ANTXRL: variants seen among roughly 807,000 people sequenced by gnomAD.
ANTXRL encodes the protein ANTXR like, also known as anthrax toxin receptor-like.
A neutral mutation model predicts 75.4 loss-of-function variants in ANTXRL; 63 were observed. The ratio of observed to expected loss-of-function variants is 0.84; its 90% CI spans 0.68 to 1.03. The LOEUF (loss-of-function observed/expected upper bound fraction) is 1.03. Among genes scored for constraint, ANTXRL ranks in the 50% least tolerant of loss-of-function variants. The pLI, the probability that ANTXRL is intolerant of heterozygous loss-of-function variation, is 0.00. For missense variants in ANTXRL, 797 were observed against 789.4 expected (o/e 1.01, Z -0.12); for synonymous variants, 335 against 291.3 (o/e 1.15, Z -1.53).
At chr10:46,291,392 A>T (rs1565011779) in intron 1 of ANTXRL, among the ~76,000 whole-genome samples, 1 of 149,640 alleles carries the variant, frequency 6.7e-6, no homozygotes, top group Non-Finnish European at 1.5e-5. Context: ...TCTTTTTCAG[A>T]TTTTTTTTTT....
rs74619698 is a variant in ANTXRL, at chr10:46,309,989, C to T, written c.1135-472C>T. The stretch of plus-strand genomic sequence containing the variant: ...AGAGAACAGAGCAGAAGGAGGAGAG[C>T]GCAGAGCTCAGCCCAGGGAACACAC... On this transcript the variant is annotated intron_variant, in intron 13 of 16. Transcript: ENST00000620264. Among the ~76,000 whole-genome samples the T allele has an allele frequency of 5.1e-3, 771 of 152,122 alleles. 12 individuals are homozygous for T. The highest frequency in any genetic ancestry group is 0.018 in the African/African-American group (729 of 41,476).
chr10:46,316,975 G>A (rs1009861957), intron 16 of ANTXRL, among the ~76,000 whole-genome samples: 4 of 152,298 alleles, frequency 2.6e-5, no homozygotes, highest in Non-Finnish European at 4.4e-5. Context: ...ACACTGCAAG[G>A]ACATGACATC....
At chr10:46,289,052 A>T (rs1836876558) in intron 1 of ANTXRL, among the ~76,000 whole-genome samples, 1 of 152,158 alleles carries the variant, frequency 6.6e-6, no homozygotes, top group African/African-American at 2.4e-5. Context: ...AGCCCATCCA[A>T]AGACCACGCA....
intron 12 of ANTXRL, chr10:46,308,610 G>A: frequency 2.7e-6 from 1 of 373,532 alleles, no homozygotes; most frequent in South Asian, 2.0e-5. Context: ...CCAGGACTTG[G>A]AGCTCTCTAA....
intron 16 of ANTXRL, among the ~76,000 whole-genome samples, chr10:46,328,622 CTCTT>C (rs1274238898): frequency 6.6e-5 from 10 of 151,970 alleles, no homozygotes; most frequent in African/African-American, 2.4e-4. Context: ...CATTGCCTCT[CTCTT>C]TTTTTTTTTA....
intron 9 of ANTXRL, among the ~76,000 whole-genome samples, chr10:46,298,753 T>C (rs1295170597): frequency 3.3e-5 from 5 of 150,894 alleles, no homozygotes; most frequent in Admixed American, 6.6e-5. Flanking sequence ...ATTTTTGGTG[T>C]ATGTGTGTTT....
chr10:46,306,922 G>T, intron 11 of ANTXRL, 50 bp downstream of exon 11: 2 of 1,452,954 alleles, frequency 1.4e-6, no homozygotes, highest in Non-Finnish European at 1.8e-6. Context: ...GGGAGTCAGG[G>T]TTGGGCACCT....
intron 16 of ANTXRL, among the ~76,000 whole-genome samples, chr10:46,320,453 C>T (rs539251594): frequency 4.6e-5 from 7 of 152,182 alleles, no homozygotes; most frequent in East Asian, 1.9e-4. Context: ...CACCCATGGC[C>T]GGGTGCAGTG....
intron 9 of ANTXRL, among the ~76,000 whole-genome samples, chr10:46,298,641 G>A (rs565486909): frequency 1.3e-5 from 2 of 151,756 alleles, no homozygotes; most frequent in African/African-American, 2.4e-5. Flanking sequence ...TGTCTGGTGT[G>A]CAGGTATGTG....
chr10:46,296,782 C>A (rs1461228863), intron 5 of ANTXRL, among the ~76,000 whole-genome samples: 2 of 152,150 alleles, frequency 1.3e-5, no homozygotes, highest in African/African-American at 4.8e-5. Flanking sequence ...TCCTGAACTC[C>A]TGGGCCCAGA....
At chr10:46,292,621 G>A (rs1837041865) in intron 2 of ANTXRL, among the ~76,000 whole-genome samples, 1 of 152,164 alleles carries the variant, frequency 6.6e-6, no homozygotes, top group African/African-American at 2.4e-5. Context: ...CTGGGAATGA[G>A]ATTAGCTCAG....
At chr10:46,305,662 G>C (rs374209312) in intron 10 of ANTXRL, among the ~76,000 whole-genome samples, 1 of 152,158 alleles carries the variant, frequency 6.6e-6, no homozygotes, top group Non-Finnish European at 1.5e-5. Flanking sequence ...ACTTCAGGAG[G>C]TGTGAAAAGG....
chr10:46,316,121 G>T (rs1554964635), intron 16 of ANTXRL, among the ~76,000 whole-genome samples: 1 of 152,102 alleles, frequency 6.6e-6, no homozygotes, highest in East Asian at 1.9e-4. Context: ...GATCCATCAG[G>T]AAAGTCAGGC....
chr10:46,292,485 A>G (rs1177193382), intron 2 of ANTXRL, among the ~76,000 whole-genome samples: 1 of 152,170 alleles, frequency 6.6e-6, no homozygotes, highest in African/African-American at 2.4e-5. Context: ...GTGGAAGGTT[A>G]AAGGAAAAAA....
At chr10:46,292,244 A>G (rs1837023074) in intron 2 of ANTXRL, 115 bp downstream of exon 2, 5 of 935,994 alleles carry the variant, frequency 5.3e-6, no homozygotes, top group African/African-American at 1.6e-5. Context: ...TCAGTGGGGG[A>G]CACAGAGCAC....
intron 2 of ANTXRL, among the ~76,000 whole-genome samples, chr10:46,293,430 G>T (rs1241378154): frequency 6.7e-6 from 1 of 149,936 alleles, no homozygotes; most frequent in African/African-American, 2.5e-5. Flanking sequence ...GTGTGTGCGT[G>T]TATGGGTGCA....
chr10:46,288,006 C>T (rs575197082), intron 1 of ANTXRL, among the ~76,000 whole-genome samples: 8 of 152,198 alleles, frequency 5.3e-5, no homozygotes, highest in African/African-American at 1.7e-4. Flanking sequence ...CTTCTAAGTG[C>T]CTCTTCTGCA....
At chr10:46,293,941 T>A in intron 3 of ANTXRL, 41 bp downstream of exon 3, 1 of 1,524,930 alleles carries the variant, frequency 6.6e-7, no homozygotes, top group African/African-American at 1.4e-5. Flanking sequence ...CCTGATGAGC[T>A]TGGCCAGAGG....
At chr10:46,326,316 G>A (rs1554966485) in intron 16 of ANTXRL, among the ~76,000 whole-genome samples, 1 of 151,978 alleles carries the variant, frequency 6.6e-6, no homozygotes, top group African/African-American at 2.4e-5. Context: ...CAGTCAGCAG[G>A]CCCCTGAGCC....
Sources: gnomAD v4.1 joint callset for allele counts (sites outside exome capture counted in the v4.1 genomes callset) on GRCh38, gnomAD v4.1.1 for gene constraint, MANE v1.5 for transcripts, NCBI Gene and HGNC (gene_info 2026-07-23, HGNC 2026-07-21) for gene names.